Variants in SUGCT observed in about 807,000 individuals in gnomAD.
SUGCT encodes succinyl-CoA:glutarate-CoA transferase.
A neutral mutation model predicts 55.0 loss-of-function variants in SUGCT; 41 were observed. That is an observed-to-expected ratio of 0.74 (90% CI 0.58 to 0.97). The LOEUF (loss-of-function observed/expected upper bound fraction) is 0.97, where lower values mean the gene tolerates loss of function less well. SUGCT is among the 50% of genes least tolerant of loss of function. The pLI, the probability that SUGCT is intolerant of heterozygous loss-of-function variation, is 0.00. For missense variants in SUGCT, 568 were observed against 547.8 expected, an observed-to-expected ratio of 1.04 and a Z score of -0.37; for synonymous variants, 187 against 200.4, an observed-to-expected ratio of 0.93 and a Z score of 0.56.
the SUGCT span, among the ~76,000 whole-genome samples, chr7:40,877,857 A>G: frequency 6.6e-6 from 1 of 152,250 alleles, no homozygotes; most frequent in Admixed American, 6.5e-5. Context: ...ATATTCTGAA[A>G]CGACATGGTG....
chr7:40,794,395 A>G (rs1790453120), intron 13 of SUGCT, among the ~76,000 whole-genome samples: 1 of 152,126 alleles, frequency 6.6e-6, no homozygotes, highest in African/African-American at 2.4e-5. Context: ...AAATTATTTT[A>G]TCACCCTCCA....
chr7:40,905,148 CAAAT>C, the SUGCT span, among the ~76,000 whole-genome samples: 3 of 152,106 alleles, frequency 2.0e-5, no homozygotes, highest in Non-Finnish European at 2.9e-5. Context: ...ATATCTCCAA[CAAAT>C]AAATAAACTA....
At chr7:40,953,376 A>G in the SUGCT span, among the ~76,000 whole-genome samples, 1 of 151,980 alleles carries the variant, frequency 6.6e-6, no homozygotes, top group Non-Finnish European at 1.5e-5. Flanking sequence ...AAGGTTTTCA[A>G]CTTCTTTGCA....
intron 12 of SUGCT, among the ~76,000 whole-genome samples, chr7:40,565,855 A>G (rs2151674545): frequency 6.6e-6 from 1 of 152,210 alleles, no homozygotes; most frequent in East Asian, 1.9e-4. Context: ...CTTGGGGCTT[A>G]CTGCCTAATT....
chr7:40,466,254 C>T (rs1562797328), intron 11 of SUGCT, among the ~76,000 whole-genome samples: 1 of 152,168 alleles, frequency 6.6e-6, no homozygotes, highest in African/African-American at 2.4e-5. Context: ...TGAACACATG[C>T]ACCTCCCACC....
At chr7:40,832,911 T>C (rs1254551250) in intron 13 of SUGCT, among the ~76,000 whole-genome samples, 1 of 152,042 alleles carries the variant, frequency 6.6e-6, no homozygotes, top group African/African-American at 2.4e-5. Context: ...CCTGACCTTG[T>C]GACCAGCCTG....
At chr7:40,205,402 G>A (rs1222025709) in intron 6 of SUGCT, among the ~76,000 whole-genome samples, 1 of 151,918 alleles carries the variant, frequency 6.6e-6, no homozygotes, top group African/African-American at 2.4e-5. Context: ...AGCACGTTGG[G>A]AGGCCAAGGT....
the SUGCT span, among the ~76,000 whole-genome samples, chr7:40,963,165 T>C: frequency 6.6e-6 from 1 of 152,190 alleles, no homozygotes; most frequent in African/African-American, 2.4e-5. Flanking sequence ...GTATGTATTA[T>C]GCTTATTCTT....
intron 12 of SUGCT, among the ~76,000 whole-genome samples, chr7:40,509,040 C>G (rs1769416051): frequency 6.6e-6 from 1 of 151,940 alleles, no homozygotes; most frequent in African/African-American, 2.4e-5. Flanking sequence ...GGAGTAATCT[C>G]CCAAAGAACA....
intron 9 of SUGCT, among the ~76,000 whole-genome samples, chr7:40,412,370 T>A (rs1192070655): frequency 6.6e-6 from 1 of 152,212 alleles, no homozygotes; most frequent in East Asian, 1.9e-4. Flanking sequence ...CTAACATTTC[T>A]TGGTAGCCAA....
intron 1 of SUGCT, among the ~76,000 whole-genome samples, chr7:40,165,472 A>C (rs190722045): frequency 6.6e-6 from 1 of 152,186 alleles, no homozygotes; most frequent in Non-Finnish European, 1.5e-5. Context: ...ACTTCTTTGC[A>C]TGGTTGACCA....
chr7:40,889,214 T>C, the SUGCT span, among the ~76,000 whole-genome samples: 1 of 152,120 alleles, frequency 6.6e-6, no homozygotes, highest in Non-Finnish European at 1.5e-5. Context: ...GCCAGCCAGC[T>C]GGCTGTCATG....
the SUGCT span, among the ~76,000 whole-genome samples, chr7:40,953,240 G>A: frequency 3.3e-5 from 5 of 152,040 alleles, no homozygotes; most frequent in Non-Finnish European, 5.9e-5. Context: ...CCAGTTGATC[G>A]AATCGGCTAC....
intron 12 of SUGCT, among the ~76,000 whole-genome samples, chr7:40,719,117 C>T (rs983801761): frequency 2.0e-4 from 31 of 152,350 alleles, no homozygotes; most frequent in African/African-American, 7.2e-4. Context: ...TGATCTGGCA[C>T]CTGCCATTCT....
intron 12 of SUGCT, among the ~76,000 whole-genome samples, chr7:40,531,110 G>A (rs1390861900): frequency 1.3e-5 from 2 of 152,168 alleles, no homozygotes; most frequent in Non-Finnish European, 2.9e-5. Context: ...AGAATGCATC[G>A]GAAGCCAAGG....
At chr7:40,629,902 C>T (rs1584164890) in intron 12 of SUGCT, among the ~76,000 whole-genome samples, 2 of 152,102 alleles carry the variant, frequency 1.3e-5, no homozygotes, top group East Asian at 1.9e-4. Flanking sequence ...TGCAGAGTTG[C>T]AGTGAGAAGC....
intron 12 of SUGCT, among the ~76,000 whole-genome samples, chr7:40,622,158 T>A (rs1312441141): frequency 2.0e-5 from 3 of 152,204 alleles, no homozygotes; most frequent in Admixed American, 6.5e-5. Context: ...TTTGTGTTTT[T>A]AGCAGGTGTC....
At chr7:40,309,799 A>G (rs894810966) in intron 8 of SUGCT, among the ~76,000 whole-genome samples, 4 of 63,622 alleles carry the variant, frequency 6.3e-5, no homozygotes, top group Non-Finnish European at 1.8e-4. Context: ...CGAGAGGGAC[A>G]CAGGTACCAA....
intron 6 of SUGCT, among the ~76,000 whole-genome samples, chr7:40,223,440 TA>T (rs1788161510): frequency 6.6e-6 from 1 of 152,224 alleles, no homozygotes; most frequent in Admixed American, 6.5e-5. Flanking sequence ...GAAGGGTATT[TA>T]AAACCAAGAT....
Sources: gnomAD v4.1 joint callset for allele counts (sites outside exome capture counted in the v4.1 genomes callset) on GRCh38, gnomAD v4.1.1 for gene constraint, MANE v1.5 for transcripts, NCBI Gene and HGNC (gene_info 2026-07-23, HGNC 2026-07-21) for gene names.